The following ZAN variants were observed in gnomAD, a reference collection of about 807,000 sequenced individuals.
ZAN encodes the protein zonadhesin.
A neutral mutation model predicts 286.2 loss-of-function variants in ZAN; 260 were observed. That is an observed-to-expected ratio of 0.91 (90% CI 0.82 to 1.01). ZAN has a LOEUF of 1.01. Ranked by LOEUF, ZAN falls within the 50% of genes least tolerant of loss-of-function variation. ZAN has a pLI of 0.00. For missense variants in ZAN, 3,410 were observed against 3,639.2 expected (o/e 0.94, Z 1.62); for synonymous variants, 1,368 against 1,417.5 (o/e 0.97, Z 0.79).
intron 13 of ZAN, among the ~76,000 whole-genome samples, 170 bp downstream of exon 13, chr7:100,751,436 T>C (rs1396647483): frequency 1.3e-5 from 2 of 152,210 alleles, no homozygotes; most frequent in Non-Finnish European, 2.9e-5. Context: ...TCAAGATGTT[T>C]GCCTGGGTGA....
chr7:100,796,084 C>A (rs1381844856), intron 45 of ZAN, among the ~76,000 whole-genome samples: 1 of 151,594 alleles, frequency 6.6e-6, no homozygotes, highest in African/African-American at 2.4e-5. Context: ...TCAAAAAAAA[C>A]AAAAAACAAA....
chr7:100,751,139 C>G, intron 12 of ZAN, 43 bp from the exon 13 acceptor site: 1 of 1,495,598 alleles, frequency 6.7e-7, no homozygotes, highest in Non-Finnish European at 9.0e-7. Flanking sequence ...GCTGGAGATT[C>G]ATTTTTGTTT....
At position 100,784,831 on chromosome 7, in the gene ZAN, C is replaced by A; in HGVS notation, c.6831C>A (p.Ile2277=). 1 of 1,591,136 alleles carries A rather than the reference C, an allele frequency of 6.3e-7. No individual in the cohort carries two copies. The part of the protein sequence containing the change: ...CGCKDAHGGS[I]PLGKSWVSSG... ...GCAAGGATGCCCATGGTGGCTCCAT[C>A]CCTGTGAGTGGGCATGGGAAATGGG... The change falls in exon 36 of 48, where the codon ATC becomes ATA. Residue 2277 remains isoleucine (I), a synonymous_variant. Coordinates refer to ENST00000613979, the MANE Select transcript of ZAN (RefSeq NM_003386.3).
rs527683971 is a variant in ZAN, at chr7:100,768,469, C to T, written c.5042-141C>T. The T allele has an allele frequency of 1.6e-5, 12 of 735,878 alleles. No homozygotes were observed. The East Asian group carries it at 3.4e-4, about 21-fold the overall frequency. The allele number at this position is 735,878 out of a possible 1,614,324, so 45.6% of individuals were successfully genotyped here. On this transcript the variant is annotated intron_variant, in intron 26 of 47. Transcript: ENST00000613979. ...CCTGGGTGTCAGAGCAAGACTCCAT[C>T]TCAAAAAAGAAGAAAAAGAGACAGA...
chr7:100,774,770 G>A (rs560226507), intron 31 of ZAN, among the ~76,000 whole-genome samples: 5 of 151,848 alleles, frequency 3.3e-5, no homozygotes, highest in Non-Finnish European at 7.4e-5. Context: ...AGGCTGCAGT[G>A]AGCTATGACC....
At chr7:100,770,460 C>T (rs553049894) in intron 28 of ZAN, among the ~76,000 whole-genome samples, 2 of 147,606 alleles carry the variant, frequency 1.4e-5, no homozygotes, top group African/African-American at 2.5e-5. Context: ...GCCGAGATTT[C>T]GCCACTGCAC....
Position 100,788,006 on chromosome 7 carries a change from A to G in ZAN, c.7097A>G (p.Glu2366Gly). ...VLIKTVDVLP[E>G]GVEPLLVEGR... ...ATCAAGACTGTGGACGTACTGCCTG[A>G]GGGGGTGGAGCCCCTCCTCGTGGAA... The change falls in exon 38 of 48, where the codon GAG (glutamate) becomes GGG (glycine). Residue 2366 changes from glutamate (E) to glycine (G), a missense_variant. By Grantham distance (98) the Glu-to-Gly change is moderately conservative. Around this residue, in one of 7 missense-constraint regions of ZAN, gnomAD observed 1,289 missense variants for 1,314.3 expected, o/e 0.98. Transcript: ENST00000613979. The G allele has an allele frequency of 1.2e-6, 2 of 1,600,212 alleles. No homozygotes were observed. Among genetic ancestry groups the G allele is most frequent in the Non-Finnish European group, 1.7e-6 (2 of 1,170,442 alleles).
At chr7:100,766,751 C>A in intron 24 of ZAN, 85 bp downstream of exon 24, 1 of 1,486,498 alleles carries the variant, frequency 6.7e-7, no homozygotes, top group South Asian at 1.4e-5. Context: ...GCAGCTTCCC[C>A]AGACAGCTGA....
At position 100,734,198 on chromosome 7, in the gene ZAN, T is replaced by C; in HGVS notation, c.30T>C (p.Leu10=). The C allele has an allele frequency of 6.9e-7, 1 of 1,457,992 alleles. No individual in the cohort carries two copies. Among genetic ancestry groups the C allele is most frequent in the Non-Finnish European group, 9.3e-7 (1 of 1,072,760 alleles). 90.3% of individuals were successfully genotyped at this position (1,457,992 alleles called of 1,614,324 possible). A position where few individuals can be genotyped will look rare whatever the true frequency, so the allele number is the denominator to read the frequency against. Residue 10 remains leucine, a synonymous_variant, in exon 2 of 48, where the codon CTT becomes CTC. Coordinates refer to ENST00000613979, the MANE Select transcript of ZAN (RefSeq NM_003386.3). The part of the protein sequence containing the change: MVPPVWTLL[L]LVGAALFRKE... ...TTCCTCCAGTCTGGACTCTGCTGCT[T>C]CTGGTGGGGGCTGCCCTTTTCAGGT...
chr7:100,755,519 C>T, intron 15 of ZAN, 109 bp downstream of exon 15: 1 of 1,276,722 alleles, frequency 7.8e-7, no homozygotes, highest in Non-Finnish European at 1.1e-6. Flanking sequence ...ACCGGATAGT[C>T]CCAAGGGGTC....
chr7:100,748,466 T>C lies in ZAN; in HGVS notation c.1245T>C (p.Asn415=), dbSNP rs1584559336. ...HGMGPAGGFP[N]AGGHYIYLEA... ...TGGGCCCTGCGGGAGGTTTCCCTAATGCAGGTGAGGAGATTGAGGAGCGCT... is the reference window on the plus strand; with the variant it reads ...TGGGCCCTGCGGGAGGTTTCCCTAACGCAGGTGAGGAGATTGAGGAGCGCT... The change falls in exon 11 of 48, where the codon AAT becomes AAC. Residue 415 remains asparagine, a synonymous_variant. Coordinates refer to ENST00000613979, the MANE Select transcript of ZAN (RefSeq NM_003386.3). The C allele has an allele frequency of 6.2e-7, 1 of 1,611,192 alleles. No individual in the cohort carries two copies. The highest frequency in any genetic ancestry group is 8.5e-7 in the Non-Finnish European group (1 of 1,178,734).
chr7:100,737,108 T>G lies in ZAN; in HGVS notation c.525+28T>G. On this transcript the variant is annotated intron_variant, in intron 5 of 47. Transcript: ENST00000613979. The stretch of plus-strand genomic sequence containing the variant: ...AAGGCCGGGGACAAATTGTGGGACC[T>G]CGGGGGGGAGTCTGGGTGTTGGAGA... The G allele has an allele frequency of 1.4e-6, 2 of 1,477,030 alleles. 1 individual carries two copies. Among genetic ancestry groups the G allele is most frequent in the Non-Finnish European group, 1.8e-6 (2 of 1,084,400 alleles). The allele number at this position is 1,477,030 out of a possible 1,614,324, so 91.5% of individuals were successfully genotyped here. A position where few individuals can be genotyped will look rare whatever the true frequency, so the allele number is the denominator to read the frequency against.
At chr7:100,790,608 C>T (rs1379085196) in intron 39 of ZAN, among the ~76,000 whole-genome samples, 3 of 148,242 alleles carry the variant, frequency 2.0e-5, no homozygotes, top group Non-Finnish European at 4.5e-5. Flanking sequence ...GAGGGCTAGG[C>T]GCGGTGGCTC....
rs1810012419 is a variant in ZAN, at chr7:100,766,905, G to A, written c.4613-105G>A. Reference sequence around the variant, plus strand: ...AGGGAAACACCACATCTGTGGGTGGGCCGTGGGGACCATGCCAATGTGGGC... The same window carrying A: ...AGGGAAACACCACATCTGTGGGTGGACCGTGGGGACCATGCCAATGTGGGC... On this transcript the variant is annotated intron_variant, in intron 24 of 47. Coordinates refer to ENST00000613979, the MANE Select transcript of ZAN (RefSeq NM_003386.3). 3.9e-6 allele frequency: 6 copies of A among 1,547,530 alleles called. No individual in the cohort carries two copies. The South Asian group carries it at 6.2e-5, about 16-fold the overall frequency.
chr7:100,776,299 CAA>C (rs978097542), intron 33 of ZAN, 139 bp from the exon 34 acceptor site: 2 of 1,199,946 alleles, frequency 1.7e-6, no homozygotes, highest in African/African-American at 4.0e-5. Flanking sequence ...GGCTGGGTGA[CAA>C]GAGTGAAACT....
Position 100,736,920 on chromosome 7 carries a change from A to T in ZAN, c.365A>T (p.His122Leu). 6.7e-7 allele frequency: 1 copy of T among 1,497,090 alleles called. No individual in the cohort carries two copies. The highest frequency in any genetic ancestry group is 9.1e-7 in the Non-Finnish European group (1 of 1,094,842). 92.7% of individuals were successfully genotyped at this position (1,497,090 alleles called of 1,614,324 possible). Reference protein sequence around the residue: ...QGPLCVHFAHHMFGLSWGAQL... With the variant: ...QGPLCVHFAHLMFGLSWGAQL... ...CCCCTCTGTGTGCACTTTGCCCACC[A>T]CATGTTCGGGCTGTCTTGGGGCGCC... Residue 122 changes from histidine (H) to leucine (L), a missense_variant, in exon 5 of 48, where the codon CAC becomes CTC. His to Leu is a moderately conservative substitution (Grantham distance 99). Coordinates refer to ENST00000613979, the MANE Select transcript of ZAN (RefSeq NM_003386.3).
intron 11 of ZAN, among the ~76,000 whole-genome samples, chr7:100,749,398 T>C (rs1808452981): frequency 6.6e-6 from 1 of 151,772 alleles, no homozygotes; most frequent in South Asian, 2.1e-4. Flanking sequence ...CCCAGCACTT[T>C]GGGAGGCCAA....
At chr7:100,775,871 G>A in intron 33 of ZAN, 38 bp downstream of exon 33, 1 of 1,602,848 alleles carries the variant, frequency 6.2e-7, no homozygotes. Context: ...TGGGGAGGCA[G>A]CCCCAGGGAG....
At chr7:100,773,236 G>A (rs1434236993) in intron 29 of ZAN, 49 bp from the exon 30 acceptor site, 2 of 1,595,216 alleles carry the variant, frequency 1.3e-6, no homozygotes. Context: ...CCAAGGTTTG[G>A]GGGCTGGACA....
Sources: gnomAD v4.1 joint callset for allele counts (sites outside exome capture counted in the v4.1 genomes callset) on GRCh38, gnomAD v4.1.1 for gene constraint, gnomAD v4.1.1 regional missense constraint, MANE v1.5 for transcripts, NCBI Gene and HGNC (gene_info 2026-07-23, HGNC 2026-07-21) for gene names.